CACNA1C: variants seen among roughly 807,000 people sequenced by gnomAD.
CACNA1C encodes voltage-dependent L-type calcium channel subunit alpha-1C.
Under a neutral mutation model 229.0 loss-of-function variants are expected in CACNA1C, and 30 were observed. That is an observed-to-expected ratio of 0.13 (90% CI 0.10 to 0.18). The LOEUF (loss-of-function observed/expected upper bound fraction) is 0.18, where lower values mean the gene tolerates loss of function less well. Ranked by LOEUF, CACNA1C falls within the 10% of genes least tolerant of loss-of-function variation. The pLI is 1.00. For synonymous variants in CACNA1C, 1,114 were observed against 1,132.5 expected, an observed-to-expected ratio of 0.98 and a Z score of 0.33; for missense variants, 1,658 against 2,845.0, an observed-to-expected ratio of 0.58 and a Z score of 9.49.
intron 3 of CACNA1C, chr12:2,217,653 T>G (rs1184022768): frequency 6.6e-6 from 1 of 152,232 alleles, no homozygotes; most frequent in Non-Finnish European, 1.5e-5. Context: ...TTGATTTGGT[T>G]TAATCCTTAT....
chr12:2,255,531 C>T (rs533596395), intron 3 of CACNA1C, among the ~76,000 whole-genome samples: 11 of 152,286 alleles, frequency 7.2e-5, no homozygotes, highest in Middle Eastern at 3.4e-3. Flanking sequence ...CAAAGGAGGT[C>T]GGCCTCTTCA....
chr12:2,653,196 C>T lies in CACNA1C; in HGVS notation c.4075-639C>T, dbSNP rs189711015. On this transcript the variant is annotated intron_variant, in intron 32 of 46. Transcript: ENST00000399655. This position sits in a 1 kb window ranked among gnomAD's most constrained non-coding sequence, Gnocchi z 4.7. ...GCTCTGCAAGGCATTGCACTAAGCA[C>T]TTTATAAGCCTTAAATCTTTTCAAC... Among the ~76,000 whole-genome samples, 47 of 152,344 alleles carry T rather than the reference C, an allele frequency of 3.1e-4. No homozygotes were observed. The highest frequency in any genetic ancestry group is 5.9e-4 in the Non-Finnish European group (40 of 68,028).
chr12:2,237,125 G>A (rs560175017), intron 3 of CACNA1C, among the ~76,000 whole-genome samples: 1 of 152,340 alleles, frequency 6.6e-6, no homozygotes, highest in African/African-American at 2.4e-5. Context: ...GATGGGCTGG[G>A]GAAGACCAGA....
intron 3 of CACNA1C, among the ~76,000 whole-genome samples, chr12:2,221,953 A>G (rs1300964913): frequency 6.6e-6 from 1 of 152,224 alleles, no homozygotes; most frequent in Non-Finnish European, 1.5e-5. Context: ...CTACAATATG[A>G]TCCCAAATTT....
At chr12:2,615,332 CTT>C (rs2079905721) in intron 29 of CACNA1C, among the ~76,000 whole-genome samples, 1 of 152,196 alleles carries the variant, frequency 6.6e-6, no homozygotes, top group Non-Finnish European at 1.5e-5. Context: ...TGAAGATACT[CTT>C]ATAGATTTGA....
At chr12:2,139,834 G>A (rs1439701027) in intron 3 of CACNA1C, among the ~76,000 whole-genome samples, 2 of 151,290 alleles carry the variant, frequency 1.3e-5, no homozygotes, top group African/African-American at 4.8e-5. Context: ...GGTGTAAGGG[G>A]TGAGGCCGCT....
In CACNA1C at chr12:2,135,892, G is replaced by T. The variant is rs952662074; in HGVS notation, c.477+15462G>T. 1.8e-3 allele frequency among the ~76,000 whole-genome samples: 271 copies of T among 148,610 alleles called. 7 individuals carry two copies. Among genetic ancestry groups the T allele is most frequent in the African/African-American group, 6.5e-3 (257 of 39,356 alleles). ...TAATCAAGCCCGGGCAATGGCGGGCGCCCCTCCCCCAGCCTCGCTGCCGCC... is the reference window on the plus strand; with the variant it reads ...TAATCAAGCCCGGGCAATGGCGGGCTCCCCTCCCCCAGCCTCGCTGCCGCC... On this transcript the variant is annotated intron_variant, in intron 3 of 46. Transcript: ENST00000399655.
intron 1 of CACNA1C, among the ~76,000 whole-genome samples, chr12:2,089,645 A>T (rs1565609805): frequency 6.6e-6 from 1 of 152,224 alleles, no homozygotes; most frequent in South Asian, 2.1e-4. Flanking sequence ...AAAAGTACGT[A>T]ACACAGTTTT....
intron 13 of CACNA1C, among the ~76,000 whole-genome samples, chr12:2,572,279 C>T (rs780062313): frequency 2.1e-5 from 3 of 144,704 alleles, no homozygotes; most frequent in Non-Finnish European, 4.5e-5. Flanking sequence ...CATATGCAAT[C>T]GGAAAACTTG....
Position 2,554,376 on chromosome 12 carries a change from G to A in CACNA1C, c.1482-2575G>A, listed in dbSNP as rs527594324. 5.9e-5 allele frequency among the ~76,000 whole-genome samples: 9 copies of A among 152,164 alleles called. No homozygotes were observed. In the East Asian group the frequency reaches 1.5e-3, roughly 26 times the overall value. On this transcript the variant is annotated intron_variant, in intron 10 of 46. Transcript: ENST00000399655. ...CCTTACCAGCCTTCTCTCCCTCCTC[G>A]CTCTTCTTCAAGAATCCGCTCAACC...
chr12:2,010,748 G>A (rs1001016396), intron 1 of CACNA1C: 4 of 152,140 alleles, frequency 2.6e-5, no homozygotes, highest in Admixed American at 6.5e-5. Flanking sequence ...TCCACATGAA[G>A]AGATCATTGG....
chr12:1,974,048 C>T (rs896801385), intron 1 of CACNA1C, among the ~76,000 whole-genome samples: 2 of 152,176 alleles, frequency 1.3e-5, no homozygotes, highest in African/African-American at 2.4e-5. Context: ...TCTGTTCCCT[C>T]CACTAGACTA....
At chr12:2,675,817 G>A (rs1227561684) in intron 39 of CACNA1C, among the ~76,000 whole-genome samples, 1 of 152,172 alleles carries the variant, frequency 6.6e-6, no homozygotes, top group Non-Finnish European at 1.5e-5. Context: ...GAACATGCCT[G>A]CACTTTAAGG....
chr12:2,103,804 A>G (rs567548771), intron 1 of CACNA1C, among the ~76,000 whole-genome samples: 4 of 152,328 alleles, frequency 2.6e-5, no homozygotes, highest in Admixed American at 6.5e-5. Context: ...TGGCTAGCCA[A>G]TATTTCCAAC....
At chr12:2,162,412 A>G (rs1174263459) in intron 3 of CACNA1C, among the ~76,000 whole-genome samples, 3 of 151,974 alleles carry the variant, frequency 2.0e-5, no homozygotes, top group Non-Finnish European at 2.9e-5. Context: ...GGCTGAGGGT[A>G]CAAGAGAAAG....
chr12:2,256,090 C>CGATCCTGA (rs142296568), intron 3 of CACNA1C, among the ~76,000 whole-genome samples: 82 of 34,818 alleles, frequency 2.4e-3, no homozygotes, highest in East Asian at 3.1e-3. Flanking sequence ...TACAATCACA[C>CGATCCTGA]CTCCTGTTTC....
chr12:2,018,251 G>A (rs1301431338), intron 1 of CACNA1C: 6 of 152,224 alleles, frequency 3.9e-5, no homozygotes, highest in Non-Finnish European at 7.3e-5. Context: ...GGATAGCATA[G>A]GCTGACATGT....
intron 3 of CACNA1C, among the ~76,000 whole-genome samples, chr12:2,324,244 C>T (rs1241698584): frequency 6.6e-6 from 1 of 152,196 alleles, no homozygotes; most frequent in Non-Finnish European, 1.5e-5. Flanking sequence ...CTTCCATGGG[C>T]CTGGCACAAA....
At chr12:2,675,743 A>T (rs1349565169) in intron 39 of CACNA1C, among the ~76,000 whole-genome samples, 1 of 152,230 alleles carries the variant, frequency 6.6e-6, no homozygotes, top group Non-Finnish European at 1.5e-5. Context: ...AGAGACTCCT[A>T]AGCAGAATCA....
Sources: allele counts gnomAD v4.1 joint callset (sites outside exome capture counted in the v4.1 genomes callset), GRCh38; gene constraint gnomAD v4.1.1; non-coding constraint Gnocchi (gnomAD v3.1); transcripts MANE v1.5; gene names NCBI Gene and HGNC (gene_info 2026-07-23, HGNC 2026-07-21).